The following UBR4 variants were observed in gnomAD, a reference collection of about 807,000 sequenced individuals.
UBR4 encodes the protein ubiquitin protein ligase E3 component n-recognin 4, also known as E3 ubiquitin-protein ligase UBR4.
In UBR4, 124 loss-of-function variants were observed where a neutral mutation model predicts 575.6. The ratio of observed to expected loss-of-function variants is 0.22; its 90% CI spans 0.19 to 0.25. The LOEUF (loss-of-function observed/expected upper bound fraction) is 0.25. Ranked by LOEUF, UBR4 falls within the 10% of genes least tolerant of loss-of-function variation. The probability of loss-of-function intolerance (pLI) is 1.00; values close to 1 mark genes in which losing one functional copy is unlikely to be tolerated. For missense variants in UBR4, 4,818 were observed against 6,478.8 expected, an observed-to-expected ratio of 0.74 and a Z score of 8.80; for synonymous variants, 2,455 against 2,473.7, an observed-to-expected ratio of 0.99 and a Z score of 0.22.
chr1:19,168,977 CAAA>C (rs35946919), intron 27 of UBR4, among the ~76,000 whole-genome samples: 2 of 117,194 alleles, frequency 1.7e-5, no homozygotes, highest in Non-Finnish European at 1.8e-5. Context: ...GACTCCGTCT[CAAA>C]AAAAAAAAAA....
chr1:19,127,046 C>G (rs866214169), intron 63 of UBR4, among the ~76,000 whole-genome samples: 1 of 152,172 alleles, frequency 6.6e-6, no homozygotes, highest in South Asian at 2.1e-4. Flanking sequence ...CACTTCTGAA[C>G]GACCCCACCC....
rs181089579 is a variant in UBR4, at chr1:19,150,493, A to C, written c.7430+84T>G. 4.8e-5 allele frequency: 69 copies of C among 1,449,182 alleles called. 1 individual carries two copies. In the Admixed American group the frequency reaches 1.2e-3, roughly 26 times the overall value. The allele number at this position is 1,449,182 out of a possible 1,614,324, so 89.8% of individuals were successfully genotyped here. The stretch of plus-strand genomic sequence containing the variant: ...AGGCTAGCCTTGAGATGGTTATTAG[A>C]AGCTGGCTCTCTCAAGACACAGGAA... On this transcript the variant is annotated intron_variant, in intron 49 of 105. Transcript: ENST00000375254.
At chr1:19,193,641 A>G (rs1356713941) in intron 8 of UBR4, 84 bp from the exon 9 acceptor site, 1 of 1,493,806 alleles carries the variant, frequency 6.7e-7, no homozygotes, top group African/African-American at 1.4e-5. Flanking sequence ...CACCCCACCC[A>G]CAAGCAATTC....
At position 19,165,841 on chromosome 1, in the gene UBR4, T is replaced by A. The variant is rs913280148; in HGVS notation, c.4110-84A>T. 25 of 1,232,144 alleles carry A rather than the reference T, an allele frequency of 2.0e-5. No homozygotes were observed. In the African/African-American group the frequency reaches 2.9e-4, roughly 14 times the overall value. 76.3% of individuals were successfully genotyped at this position (1,232,144 alleles called of 1,614,324 possible). On this transcript the variant is annotated intron_variant, in intron 29 of 105. Transcript: ENST00000375254. ...TATGGTGATTTATTAAAATCCAAAG[T>A]TTGTCTGTTTGACCTTGAGGGCAAT...
chr1:19,110,101 TCTTC>T lies in UBR4; in HGVS notation c.12096_12099del (p.Lys4033ThrfsTer12), dbSNP rs774188495. On this transcript the variant is annotated frameshift_variant, in exon 81 of 106. Coordinates refer to ENST00000375254, the MANE Select transcript of UBR4 (RefSeq NM_020765.3). LOFTEE classifies it high-confidence loss of function. The surrounding 1 kb of genome is among the most constrained non-coding windows in gnomAD (Gnocchi z 4.5). ...ACCCCTGCTTGGCCCAGTACCTTGTTCTTCTTGCTAGTGGGAGCAGGTGGTTTTA... is the reference window on the plus strand; with the variant it reads ...ACCCCTGCTTGGCCCAGTACCTTGTTTTGCTAGTGGGAGCAGGTGGTTTTA... The T allele has an allele frequency of 6.2e-7, 1 of 1,614,118 alleles. No homozygotes were observed. Among genetic ancestry groups the T allele is most frequent in the East Asian group, 2.2e-5 (1 of 44,882 alleles).
At chr1:19,137,886 T>C (rs1180901720) in intron 60 of UBR4, 121 bp downstream of exon 60, 1 of 1,127,800 alleles carries the variant, frequency 8.9e-7, no homozygotes, top group Admixed American at 3.0e-5. Context: ...GTTTACACCT[T>C]TATATTTCAA....
chr1:19,090,246 A>G (rs2077377935), intron 97 of UBR4, among the ~76,000 whole-genome samples: 1 of 152,160 alleles, frequency 6.6e-6, no homozygotes, highest in Admixed American at 6.5e-5. Flanking sequence ...GAATCTATCC[A>G]TGAACTAGTT....
chr1:19,096,499 C>G (rs373360467), intron 92 of UBR4, 24 bp downstream of exon 92: 5 of 1,607,648 alleles, frequency 3.1e-6, no homozygotes, highest in Non-Finnish European at 4.2e-6. Context: ...GGCTGGCCCC[C>G]ACAACTTGCT....
At position 19,153,155 on chromosome 1, in the gene UBR4, C is replaced by T. The variant is rs1482098312; in HGVS notation, c.6832+146G>A. 1 of 1,013,750 alleles carries T rather than the reference C, an allele frequency of 9.9e-7. No individual in the cohort carries two copies. The highest frequency in any genetic ancestry group is 1.4e-6 in the Non-Finnish European group (1 of 699,430). The allele number at this position is 1,013,750 out of a possible 1,614,324, so 62.8% of individuals were successfully genotyped here. A position where few individuals can be genotyped will look rare whatever the true frequency, so the allele number is the denominator to read the frequency against. ...GGGTGCTTGACATTTGGAAACATAACTCTGCTTTTGGGAAATTAACTTTAC... is the reference window on the plus strand; with the variant it reads ...GGGTGCTTGACATTTGGAAACATAATTCTGCTTTTGGGAAATTAACTTTAC... On this transcript the variant is annotated intron_variant, in intron 46 of 105. Transcript: ENST00000375254. This position sits in a 1 kb window ranked among gnomAD's most constrained non-coding sequence, Gnocchi z 4.1.
At chr1:19,111,119 G>C (rs948606560) in intron 78 of UBR4, among the ~76,000 whole-genome samples, 1 of 152,202 alleles carries the variant, frequency 6.6e-6, no homozygotes, top group African/African-American at 2.4e-5. Context: ...CTGCTGTCTG[G>C]TGTGACACAG....
chr1:19,190,312 A>AAAAAAAATATAT, intron 11 of UBR4, among the ~76,000 whole-genome samples: 46 of 79,888 alleles, frequency 5.8e-4, no homozygotes, highest in African/African-American at 1.1e-3. Flanking sequence ...AAAAAAAAAA[A>AAAAAAAATATAT]ATATATATAT....
chr1:19,088,008 A>T lies in UBR4; in HGVS notation c.14431-79T>A. On this transcript the variant is annotated intron_variant, in intron 98 of 105. Coordinates refer to ENST00000375254, the MANE Select transcript of UBR4 (RefSeq NM_020765.3). The surrounding 1 kb of genome is among the most constrained non-coding windows in gnomAD (Gnocchi z 4.0). ...CCCTAGCTTGGAGATGCTCAGGAAC[A>T]GGGCTAACCTTCTACCTCCACTAAA... 2 of 1,118,274 alleles carry T rather than the reference A, an allele frequency of 1.8e-6. No homozygotes were observed. Among genetic ancestry groups the T allele is most frequent in the Non-Finnish European group, 2.6e-6 (2 of 755,402 alleles). 69.3% of individuals were successfully genotyped at this position (1,118,274 alleles called of 1,614,324 possible).
chr1:19,101,597 T>C lies in UBR4; in HGVS notation c.12946A>G (p.Thr4316Ala). 1.9e-6 allele frequency: 3 copies of C among 1,613,886 alleles called. No homozygotes were observed. The highest frequency in any genetic ancestry group is 2.5e-6 in the Non-Finnish European group (3 of 1,179,770). ...TCATCCAGATTGTAGCGCTTGGCTG[T>C]CTCAATGCACACAGCCATGAAGGCC... is the stretch of plus-strand genomic sequence containing the variant. ...TKAFMAVCIE[T>A]AKRYNLDDYR... The change falls in exon 88 of 106, where the codon ACA becomes GCA. Residue 4316 changes from threonine to alanine, a missense_variant. Physicochemically the swap from Thr to Ala is moderately conservative, Grantham distance 58. Transcript: ENST00000375254.
At chr1:19,171,294 G>A (rs1031368379) in intron 25 of UBR4, among the ~76,000 whole-genome samples, 9 of 152,192 alleles carry the variant, frequency 5.9e-5, no homozygotes, top group African/African-American at 2.2e-4. Context: ...GAAAGTACTG[G>A]CCTATTAGGC....
chr1:19,081,276 C>T (rs1173898133), intron 103 of UBR4, 73 bp downstream of exon 103: 22 of 1,327,362 alleles, frequency 1.7e-5, no homozygotes, highest in Non-Finnish European at 2.2e-5. Flanking sequence ...CTAGCACGTG[C>T]GTACCACTAA....
chr1:19,074,865 G>A lies in UBR4; in HGVS notation c.15519C>T (p.Ser5173=), dbSNP rs1206237400. ...GLLSEITDPE[S]FLKDLLNSVP ...CTGAGTTCAACAGGTCCTTCAGGAAGCTCTCTGGATCGGTGATTTCTGATA... is the reference window on the plus strand; with the variant it reads ...CTGAGTTCAACAGGTCCTTCAGGAAACTCTCTGGATCGGTGATTTCTGATA... Residue 5173 remains serine (S), a synonymous_variant, in exon 106 of 106, where the codon AGC becomes AGT. Transcript: ENST00000375254. 42 of 1,613,978 alleles carry A rather than the reference G, an allele frequency of 2.6e-5. No individual in the cohort carries two copies. Among genetic ancestry groups the A allele is most frequent in the Non-Finnish European group, 3.3e-5 (39 of 1,179,980 alleles).
At chr1:19,096,451 A>G (rs539671000) in intron 92 of UBR4, 72 bp downstream of exon 92, 3 of 1,566,118 alleles carry the variant, frequency 1.9e-6, no homozygotes, top group East Asian at 4.5e-5. Context: ...CACAGTGGCC[A>G]TAGCTTCTTT....
chr1:19,193,327 T>G, intron 9 of UBR4, 106 bp downstream of exon 9: 3 of 1,474,544 alleles, frequency 2.0e-6, no homozygotes, highest in Non-Finnish European at 2.8e-6. Context: ...GAAAGTAGTG[T>G]GGAGAATACT....
intron 55 of UBR4, among the ~76,000 whole-genome samples, chr1:19,142,507 G>A (rs2084066315): frequency 6.6e-6 from 1 of 152,224 alleles, no homozygotes; most frequent in African/African-American, 2.4e-5. Flanking sequence ...ACAAACTGCT[G>A]CCTAACCCAA....
Sources: gnomAD v4.1 joint callset for allele counts (sites outside exome capture counted in the v4.1 genomes callset) on GRCh38, gnomAD v4.1.1 for gene constraint, Gnocchi (gnomAD v3.1) non-coding constraint, MANE v1.5 for transcripts, NCBI Gene and HGNC (gene_info 2026-07-23, HGNC 2026-07-21) for gene names.